Variants in MARS1 observed in about 807,000 individuals in gnomAD.
MARS1 encodes methionyl-tRNA synthetase 1, also known as methionine--tRNA ligase, cytoplasmic.
A neutral mutation model predicts 119.5 loss-of-function variants in MARS1; 80 were observed. The ratio of observed to expected loss-of-function variants is 0.67; its 90% CI spans 0.56 to 0.81. MARS1 has a LOEUF of 0.81. MARS1 is among the 30% of genes least tolerant of loss of function. MARS1 has a pLI of 0.00. For synonymous variants in MARS1, 418 were observed against 433.4 expected, an observed-to-expected ratio of 0.96 and a Z score of 0.44; for missense variants, 945 against 1,116.5, an observed-to-expected ratio of 0.85 and a Z score of 2.19.
In MARS1 at chr12:57,516,312, C is replaced by T. The variant is rs773914259; in HGVS notation, c.2531C>T (p.Ala844Val). 35 of 1,614,038 alleles carry T rather than the reference C, an allele frequency of 2.2e-5. No homozygotes were observed. Among genetic ancestry groups the T allele is most frequent in the Non-Finnish European group, 2.9e-5 (34 of 1,180,018 alleles). The stretch of plus-strand genomic sequence containing the variant: ...ACAGCCAAGCCACAGCAGATACAAG[C>T]GCTGATGGATGAAGTGACAAAACAA... Reference protein sequence around the residue: ...VTTAKPQQIQALMDEVTKQGN... With the variant: ...VTTAKPQQIQVLMDEVTKQGN... Residue 844 changes from alanine (A) to valine (V), a missense_variant, in exon 20 of 21, where the codon GCG (alanine) becomes GTG (valine). Transcript: ENST00000262027.
intron 7 of MARS1, among the ~76,000 whole-genome samples, chr12:57,493,729 T>TTATATATATTA (rs1876316680): frequency 8.7e-4 from 1 of 1,150 alleles, no homozygotes; most frequent in African/African-American, 1.4e-3. Context: ...ATATATTATA[T>TTATATATATTA]TATATAATAT....
At position 57,498,519 on chromosome 12, in the gene MARS1, C is replaced by G. The variant is rs773721612; in HGVS notation, c.987C>G (p.Pro329=). Reference sequence around the variant, plus strand: ...AGGCTCTGGAGGAGGGACTAACCCCCCAGGAGATCTGCGACAAGTACCACA... The same window carrying G: ...AGGCTCTGGAGGAGGGACTAACCCCGCAGGAGATCTGCGACAAGTACCACA... ...ETKALEEGLT[P]QEICDKYHII... is the part of the protein sequence containing the mutation. Residue 329 remains proline (P), a synonymous_variant, in exon 9 of 21, where the codon CCC becomes CCG. Transcript: ENST00000262027. 7 of 1,614,088 alleles carry G rather than the reference C, an allele frequency of 4.3e-6. No individual in the cohort carries two copies. In the Admixed American group the frequency reaches 1.2e-4, roughly 27 times the overall value.
In MARS1 at chr12:57,489,227, C is replaced by G. The variant is rs745686756; in HGVS notation, c.201-40C>G. 3.1e-6 allele frequency: 5 copies of G among 1,606,560 alleles called. No homozygotes were observed. In the East Asian group the frequency reaches 1.1e-4, roughly 36 times the overall value. ...TGTGATGAGAAATGGGCTAAATGGGCCCCTCTAAGTCCATCATCTGTTGCT... is the reference window on the plus strand; with the variant it reads ...TGTGATGAGAAATGGGCTAAATGGGGCCCTCTAAGTCCATCATCTGTTGCT... On this transcript the variant is annotated intron_variant, in intron 2 of 20. Coordinates refer to ENST00000262027, the MANE Select transcript of MARS1 (RefSeq NM_004990.4).
chr12:57,498,450 CT>C lies in MARS1; in HGVS notation c.919del (p.Tyr307IlefsTer21), dbSNP rs1331378938. ...YSRLRQWNTL[Y>X]LCGTDEYGTA... ...CTCGCCTCCGCCAGTGGAACACCCTCTATCTGTGTGGGACAGATGAGTATGG... is the reference window on the plus strand; with the variant it reads ...CTCGCCTCCGCCAGTGGAACACCCTCATCTGTGTGGGACAGATGAGTATGG... On this transcript the variant is annotated frameshift_variant, in exon 9 of 21. Coordinates refer to ENST00000262027, the MANE Select transcript of MARS1 (RefSeq NM_004990.4). LOFTEE classifies it high-confidence loss of function. 1.4e-5 allele frequency: 23 copies of C among 1,614,026 alleles called. No homozygotes were observed. Among genetic ancestry groups the C allele is most frequent in the Non-Finnish European group, 1.8e-5 (21 of 1,180,050 alleles).
intron 1 of MARS1, chr12:57,488,663 T>C (rs1478696948): frequency 6.5e-7 from 1 of 1,549,868 alleles, no homozygotes; most frequent in South Asian, 1.2e-5. Flanking sequence ...GGTTCTCTTG[T>C]AAGTCTTCTC....
At chr12:57,496,036 T>G (rs1452382798) in intron 7 of MARS1, among the ~76,000 whole-genome samples, 1 of 152,000 alleles carries the variant, frequency 6.6e-6, no homozygotes, top group Non-Finnish European at 1.5e-5. Flanking sequence ...AGGGAGCAAT[T>G]TTTTGTATTT....
chr12:57,489,249 T>TGC lies in MARS1; in HGVS notation c.201-17_201-16dup. On this transcript the variant is annotated splice_polypyrimidine_tract_variant and intron_variant, in intron 2 of 20. Coordinates refer to ENST00000262027, the MANE Select transcript of MARS1 (RefSeq NM_004990.4). ...GGGCCCCTCTAAGTCCATCATCTGTTGCTCTCTCTCTGGGCAGATATTTTT... is the reference window on the plus strand; with the variant it reads ...GGGCCCCTCTAAGTCCATCATCTGTTGCGCTCTCTCTCTGGGCAGATATTTTT... The TGC allele has an allele frequency of 6.2e-6, 10 of 1,612,784 alleles. No individual in the cohort carries two copies. Among genetic ancestry groups the TGC allele is most frequent in the Non-Finnish European group, 8.5e-6 (10 of 1,179,146 alleles).
intron 11 of MARS1, among the ~76,000 whole-genome samples, chr12:57,508,512 C>T (rs1014592995): frequency 3.9e-5 from 6 of 152,196 alleles, no homozygotes; most frequent in Admixed American, 1.3e-4. Context: ...AATACGAAAA[C>T]CAGTCAGGCG....
intron 11 of MARS1, among the ~76,000 whole-genome samples, chr12:57,509,880 A>G (rs1877422740): frequency 1.3e-5 from 2 of 152,238 alleles, no homozygotes; most frequent in Non-Finnish European, 2.9e-5. Context: ...CAATCCTACA[A>G]TATACCTAAA....
intron 7 of MARS1, among the ~76,000 whole-genome samples, chr12:57,493,303 T>A (rs779435885): frequency 2.8e-5 from 3 of 108,092 alleles, no homozygotes; most frequent in African/African-American, 7.4e-5. Context: ...TATATATATA[T>A]AATATATATT....
intron 7 of MARS1, among the ~76,000 whole-genome samples, chr12:57,493,689 T>TACA (rs1876296180): frequency 1.4e-4 from 1 of 7,260 alleles, no homozygotes; most frequent in Non-Finnish European, 1.9e-4. Flanking sequence ...ATATATAATA[T>TACA]ATATTATATA....
chr12:57,491,092 C>T (rs1322987325), intron 7 of MARS1, among the ~76,000 whole-genome samples: 1 of 151,964 alleles, frequency 6.6e-6, no homozygotes, highest in Admixed American at 6.6e-5. Flanking sequence ...AGGCTGGTCT[C>T]GAACTCCTGA....
intron 7 of MARS1, among the ~76,000 whole-genome samples, chr12:57,491,550 AC>A (rs1875961165): frequency 6.6e-6 from 1 of 152,114 alleles, no homozygotes; most frequent in Non-Finnish European, 1.5e-5. Flanking sequence ...CTGTCACTAC[AC>A]AGATACTAAC....
chr12:57,491,336 AC>A (rs1269926663), intron 7 of MARS1, among the ~76,000 whole-genome samples: 1 of 152,132 alleles, frequency 6.6e-6, no homozygotes, highest in Non-Finnish European at 1.5e-5. Flanking sequence ...CAAACCTGTT[AC>A]CTTTCCTGCT....
Position 57,490,360 on chromosome 12 carries a change from C to A in MARS1, c.644C>A (p.Ala215Asp). ...QPQPSPAEGR[A>D]VTNEPEEEEL... ...CAGCCCAGCCCCGCTGAGGGAAGGG[C>A]TGTCACCAATGAGCCTGAGGTTTGG... Residue 215 changes from alanine to aspartate, a missense_variant, in exon 6 of 21, where the codon GCT becomes GAT. By Grantham distance (126) the Ala-to-Asp change is moderately radical. Transcript: ENST00000262027. The A allele has an allele frequency of 6.2e-7, 1 of 1,612,598 alleles. No homozygotes were observed. Among genetic ancestry groups the A allele is most frequent in the Non-Finnish European group, 8.5e-7 (1 of 1,179,986 alleles).
intron 7 of MARS1, among the ~76,000 whole-genome samples, chr12:57,493,816 T>A (rs1412251482): frequency 1.9e-3 from 2 of 1,066 alleles, no homozygotes; most frequent in Non-Finnish European, 3.4e-3. Flanking sequence ...TAATGTATAT[T>A]ATATATATTA....
intron 15 of MARS1, among the ~76,000 whole-genome samples, chr12:57,513,979 C>G (rs1198097945): frequency 1.3e-5 from 2 of 148,678 alleles, no homozygotes; most frequent in Admixed American, 6.8e-5. Flanking sequence ...AGGAGAATCA[C>G]TTGAACCCGG....
At chr12:57,490,733 C>A in intron 7 of MARS1, 89 bp downstream of exon 7, 1 of 905,964 alleles carries the variant, frequency 1.1e-6, no homozygotes, top group Non-Finnish European at 1.8e-6. Flanking sequence ...GTCCCGTTTG[C>A]TGATCTCTCT....
chr12:57,507,399 AG>A (rs1877237328), intron 11 of MARS1, among the ~76,000 whole-genome samples: 3 of 77,454 alleles, frequency 3.9e-5, no homozygotes, highest in African/African-American at 8.9e-5. Flanking sequence ...GGCCAGGCAG[AG>A]GGGCTCCTCA....
Sources: allele counts gnomAD v4.1 joint callset (sites outside exome capture counted in the v4.1 genomes callset), GRCh38; gene constraint gnomAD v4.1.1; transcripts MANE v1.5; gene names NCBI Gene and HGNC (gene_info 2026-07-23, HGNC 2026-07-21).